The following COL5A2 variants were observed in gnomAD, a reference collection of about 807,000 sequenced individuals.
The protein encoded by COL5A2 is collagen type V alpha 2 chain, also known as collagen alpha-2(V) chain.
Under a neutral mutation model 208.2 loss-of-function variants are expected in COL5A2, and 23 were observed. The observed-to-expected ratio is 0.11, with a 90% CI of 0.08 to 0.16. The LOEUF (loss-of-function observed/expected upper bound fraction) is 0.16, where lower values mean the gene tolerates loss of function less well. COL5A2 is among the 10% of genes least tolerant of loss of function. The probability of loss-of-function intolerance (pLI) is 1.00; values close to 1 mark genes in which losing one functional copy is unlikely to be tolerated. For synonymous variants in COL5A2, 625 were observed against 628.5 expected, an observed-to-expected ratio of 0.99 and a Z score of 0.08; for missense variants, 1,590 against 1,956.4, an observed-to-expected ratio of 0.81 and a Z score of 3.53.
chr2:189,227,995 T>A (rs568334439), upstream of COL5A2, among the ~76,000 whole-genome samples: 1 of 151,924 alleles, frequency 6.6e-6, no homozygotes, highest in East Asian at 1.9e-4. Flanking sequence ...CTGATCACAA[T>A]AGAATGCAAC....
chr2:189,212,092 C>T (rs866939057), intron 1 of COL5A2, among the ~76,000 whole-genome samples: 3 of 152,252 alleles, frequency 2.0e-5, no homozygotes, highest in South Asian at 2.1e-4. Context: ...TTATCACTTA[C>T]GTTGTTTAGA....
At chr2:189,053,768 T>C in intron 37 of COL5A2, 127 bp downstream of exon 37, 1 of 921,050 alleles carries the variant, frequency 1.1e-6, no homozygotes, top group East Asian at 2.6e-5. Context: ...AAGCAAAAGC[T>C]AAAAACCAGG....
the COL5A2 span, among the ~76,000 whole-genome samples, chr2:189,428,086 TG>T: frequency 6.6e-6 from 1 of 152,158 alleles, no homozygotes; most frequent in Non-Finnish European, 1.5e-5. Flanking sequence ...GTTAAGACTT[TG>T]GGCCATTGTT....
At chr2:189,218,461 C>T (rs967921279) in intron 1 of COL5A2, among the ~76,000 whole-genome samples, 1 of 152,112 alleles carries the variant, frequency 6.6e-6, no homozygotes, top group Non-Finnish European at 1.5e-5. Flanking sequence ...AGGCAAAGAA[C>T]GATTTTCCCC....
chr2:189,350,804 C>T, the COL5A2 span, among the ~76,000 whole-genome samples: 6 of 152,194 alleles, frequency 3.9e-5, no homozygotes, highest in Non-Finnish European at 8.8e-5. Context: ...TTAGACCAGA[C>T]TAGTCAACCT....
chr2:189,263,575 C>T, the COL5A2 span, among the ~76,000 whole-genome samples: 1 of 152,042 alleles, frequency 6.6e-6, no homozygotes, highest in African/African-American at 2.4e-5. Context: ...TAGAGTAATG[C>T]CCTAGGTCTT....
the COL5A2 span, among the ~76,000 whole-genome samples, chr2:189,411,677 T>C: frequency 6.6e-6 from 1 of 152,140 alleles, no homozygotes; most frequent in African/African-American, 2.4e-5. Context: ...CTGCAAGTCT[T>C]TGGGAAAATA....
At chr2:189,435,934 T>G in the COL5A2 span, among the ~76,000 whole-genome samples, 1 of 152,124 alleles carries the variant, frequency 6.6e-6, no homozygotes, top group African/African-American at 2.4e-5. Flanking sequence ...AGCCCAAATG[T>G]CCATCAGTGA....
At chr2:189,320,840 G>A in the COL5A2 span, among the ~76,000 whole-genome samples, 2 of 152,160 alleles carry the variant, frequency 1.3e-5, no homozygotes, top group Non-Finnish European at 2.9e-5. Context: ...TCCTCGAGAA[G>A]AGCAACTCCA....
chr2:189,308,177 T>C, the COL5A2 span, among the ~76,000 whole-genome samples: 1 of 151,876 alleles, frequency 6.6e-6, no homozygotes, highest in Non-Finnish European at 1.5e-5. Flanking sequence ...ATGTGTATTG[T>C]AAGCCAAAAA....
intron 9 of COL5A2, among the ~76,000 whole-genome samples, 171 bp downstream of exon 9, chr2:189,086,553 CAT>C (rs1207025164): frequency 6.6e-6 from 1 of 152,116 alleles, no homozygotes; most frequent in Non-Finnish European, 1.5e-5. Flanking sequence ...TTTGCAAAGA[CAT>C]GTGGCATATA....
At chr2:189,051,574 C>T in intron 41 of COL5A2, 93 bp from the exon 42 acceptor site, 1 of 1,145,206 alleles carries the variant, frequency 8.7e-7, no homozygotes, top group Non-Finnish European at 1.2e-6. Flanking sequence ...ATGCAGATGT[C>T]CAAGCCTCGC....
the COL5A2 span, among the ~76,000 whole-genome samples, chr2:189,269,099 C>G: frequency 6.6e-6 from 1 of 152,124 alleles, no homozygotes; most frequent in African/African-American, 2.4e-5. Flanking sequence ...CTTAGCCAAT[C>G]TAAATCTTAA....
At chr2:189,347,919 A>C in the COL5A2 span, among the ~76,000 whole-genome samples, 6 of 152,230 alleles carry the variant, frequency 3.9e-5, no homozygotes, top group African/African-American at 1.4e-4. Context: ...TTGGCTAAGT[A>C]AGTCCCAATT....
the COL5A2 span, among the ~76,000 whole-genome samples, chr2:189,256,272 A>G: frequency 6.6e-6 from 1 of 152,186 alleles, no homozygotes; most frequent in Non-Finnish European, 1.5e-5. Context: ...CATCAAACAG[A>G]TTGGAGGGAC....
the COL5A2 span, among the ~76,000 whole-genome samples, chr2:189,380,667 A>C: frequency 1.3e-5 from 2 of 152,012 alleles, no homozygotes; most frequent in Non-Finnish European, 2.9e-5. Context: ...AGAATGATAG[A>C]CCAAAGAATC....
the COL5A2 span, among the ~76,000 whole-genome samples, chr2:189,357,528 G>T: frequency 1.3e-5 from 2 of 151,984 alleles, no homozygotes; most frequent in East Asian, 1.9e-4. Flanking sequence ...GGGTAAAACC[G>T]CCTACTCAAG....
At chr2:189,326,149 T>C in the COL5A2 span, among the ~76,000 whole-genome samples, 1 of 151,412 alleles carries the variant, frequency 6.6e-6, no homozygotes, top group Non-Finnish European at 1.5e-5. Context: ...ATGAGAATTG[T>C]ATGTGAGATC....
At chr2:189,320,101 G>A in the COL5A2 span, among the ~76,000 whole-genome samples, 2 of 152,192 alleles carry the variant, frequency 1.3e-5, no homozygotes, top group South Asian at 4.1e-4. Context: ...TGCAGCTGAG[G>A]ATTCCGACTA....
Sources: gnomAD v4.1 joint callset for allele counts (sites outside exome capture counted in the v4.1 genomes callset) on GRCh38, gnomAD v4.1.1 for gene constraint, MANE v1.5 for transcripts, NCBI Gene and HGNC (gene_info 2026-07-23, HGNC 2026-07-21) for gene names.